The following NKAIN3 variants were observed in gnomAD, a reference collection of about 807,000 sequenced individuals.
NKAIN3 encodes sodium/potassium transporting ATPase interacting 3.
NKAIN3 carries 25 observed loss-of-function variants against 30.2 expected under a neutral mutation model. The observed-to-expected ratio is 0.83, with a 90% CI of 0.60 to 1.16. The LOEUF is 1.16. Ranked by LOEUF, NKAIN3 falls within the 50% of genes most tolerant of loss-of-function variation. The probability of loss-of-function intolerance (pLI) is 0.00; values close to 1 mark genes in which losing one functional copy is unlikely to be tolerated. For missense variants in NKAIN3, 225 were observed against 254.1 expected, an observed-to-expected ratio of 0.89 and a Z score of 0.78; for synonymous variants, 91 against 89.6, an observed-to-expected ratio of 1.02 and a Z score of -0.09.
At chr8:62,772,023 T>C (rs1817030326) in intron 4 of NKAIN3, among the ~76,000 whole-genome samples, 1 of 152,188 alleles carries the variant, frequency 6.6e-6, no homozygotes, top group Non-Finnish European at 1.5e-5. Context: ...TATCTAACTA[T>C]ATTTTTGTAC....
In NKAIN3 at chr8:62,966,996, G is replaced by GAGCC. The variant is rs2130910551; in HGVS notation, c.*1591_*1594dup. Among the ~76,000 whole-genome samples, 1 of 152,280 alleles carries GAGCC rather than the reference G, an allele frequency of 6.6e-6. No individual in the cohort carries two copies. The highest frequency in any genetic ancestry group is 2.1e-4 in the South Asian group (1 of 4,822). On this transcript the variant is annotated 3_prime_UTR_variant, in exon 7 of 7. Coordinates refer to ENST00000623646, the MANE Select transcript of NKAIN3 (RefSeq NM_001304533.3). ...CCTCCAAGCTCATCACAACCACAGTGAGCCATTTGGAGACCTAATTTACTC... is the reference window on the plus strand; with the variant it reads ...CCTCCAAGCTCATCACAACCACAGTGAGCCAGCCATTTGGAGACCTAATTTACTC...
At chr8:62,403,577 C>T (rs1803957861) in intron 1 of NKAIN3, among the ~76,000 whole-genome samples, 1 of 152,186 alleles carries the variant, frequency 6.6e-6, no homozygotes, top group African/African-American at 2.4e-5. Flanking sequence ...GGTGCAAGCC[C>T]CAAGCCTTGG....
intron 5 of NKAIN3, chr8:62,991,140 T>C (rs1381995259): frequency 6.6e-6 from 1 of 152,306 alleles, no homozygotes; most frequent in Non-Finnish European, 1.5e-5. Flanking sequence ...CCCTCTGTGG[T>C]TGAGCCTAGT....
intron 4 of NKAIN3, among the ~76,000 whole-genome samples, chr8:62,827,376 C>T (rs904404409): frequency 6.6e-6 from 1 of 152,148 alleles, no homozygotes; most frequent in African/African-American, 2.4e-5. Flanking sequence ...AAAAAAATAG[C>T]CTTACAGGTT....
chr8:62,794,549 G>C (rs937557049), intron 4 of NKAIN3, among the ~76,000 whole-genome samples: 1 of 152,114 alleles, frequency 6.6e-6, no homozygotes, highest in Non-Finnish European at 1.5e-5. Context: ...AGTGTTTCTT[G>C]AGGTGAGGGG....
intron 4 of NKAIN3, chr8:62,855,562 T>C (rs1052341265): frequency 6.4e-6 from 10 of 1,555,026 alleles, no homozygotes; most frequent in Non-Finnish European, 8.9e-6. Context: ...GGGAGTCCAA[T>C]CTTTTATTCA....
intron 1 of NKAIN3, among the ~76,000 whole-genome samples, chr8:62,499,644 G>A (rs146077754): frequency 2.6e-5 from 4 of 152,218 alleles, no homozygotes; most frequent in African/African-American, 9.6e-5. Context: ...ATTGTAAATA[G>A]GTGCTTTAAT....
chr8:62,252,083 T>C (rs1164068134), intron 1 of NKAIN3, among the ~76,000 whole-genome samples: 1 of 152,162 alleles, frequency 6.6e-6, no homozygotes. Flanking sequence ...CAGCATATCA[T>C]AGGATAGGGA....
chr8:62,701,086 A>T (rs1473958531), intron 3 of NKAIN3, among the ~76,000 whole-genome samples: 1 of 152,188 alleles, frequency 6.6e-6, no homozygotes, highest in Non-Finnish European at 1.5e-5. Context: ...ATCCAGCCAG[A>T]TTTACCTTTT....
intron 1 of NKAIN3, among the ~76,000 whole-genome samples, chr8:62,397,658 A>C (rs553705241): frequency 6.6e-6 from 1 of 152,250 alleles, no homozygotes; most frequent in South Asian, 2.1e-4. Flanking sequence ...GGTAAATTTT[A>C]CATAAGGCTA....
chr8:62,622,315 G>A (rs1295792552), intron 3 of NKAIN3, among the ~76,000 whole-genome samples: 1 of 152,014 alleles, frequency 6.6e-6, no homozygotes, highest in African/African-American at 2.4e-5. Flanking sequence ...GTGTGTAATT[G>A]TTAGGTCATT....
At chr8:62,465,585 A>G (rs142103759) in intron 1 of NKAIN3, among the ~76,000 whole-genome samples, 262 of 152,338 alleles carry the variant, frequency 1.7e-3, no homozygotes, top group African/African-American at 5.8e-3. Flanking sequence ...TCAGTAAACC[A>G]TCCAATGTCT....
At chr8:62,762,842 T>C (rs1816709379) in intron 4 of NKAIN3, among the ~76,000 whole-genome samples, 1 of 152,128 alleles carries the variant, frequency 6.6e-6, no homozygotes, top group Non-Finnish European at 1.5e-5. Context: ...GTAGCTTGTA[T>C]CTTTTTTAAA....
intron 1 of NKAIN3, among the ~76,000 whole-genome samples, chr8:62,510,569 A>G (rs993498398): frequency 2.0e-5 from 3 of 152,098 alleles, no homozygotes; most frequent in Non-Finnish European, 4.4e-5. Flanking sequence ...CCCTTATGAA[A>G]ATAGGGTTTG....
At chr8:62,841,884 A>G (rs765373044) in intron 4 of NKAIN3, among the ~76,000 whole-genome samples, 18 of 152,138 alleles carry the variant, frequency 1.2e-4, no homozygotes, top group Non-Finnish European at 2.1e-4. Flanking sequence ...GAAATTCCAT[A>G]CTGGTTTCCA....
intron 4 of NKAIN3, among the ~76,000 whole-genome samples, chr8:62,905,076 A>G (rs931546077): frequency 2.0e-5 from 3 of 152,342 alleles, no homozygotes; most frequent in South Asian, 2.1e-4. Flanking sequence ...CTGCCATTAC[A>G]GATATAAGAA....
At chr8:62,361,072 A>T (rs1032430733) in intron 1 of NKAIN3, among the ~76,000 whole-genome samples, 1 of 151,978 alleles carries the variant, frequency 6.6e-6, no homozygotes, top group Admixed American at 6.6e-5. Flanking sequence ...TGGAGCACCA[A>T]ACCCCCGCAT....
chr8:62,293,181 T>A (rs752723612), intron 1 of NKAIN3, among the ~76,000 whole-genome samples: 4 of 152,250 alleles, frequency 2.6e-5, no homozygotes, highest in Non-Finnish European at 5.9e-5. Context: ...TCGAATATCC[T>A]CCTTTTTCTC....
chr8:62,422,295 A>T (rs1471025557), intron 1 of NKAIN3, among the ~76,000 whole-genome samples: 1 of 152,130 alleles, frequency 6.6e-6, no homozygotes, highest in Non-Finnish European at 1.5e-5. Context: ...CTAGAAAAAC[A>T]ATGTGGTTTG....
Sources: allele counts gnomAD v4.1 joint callset (sites outside exome capture counted in the v4.1 genomes callset), GRCh38; gene constraint gnomAD v4.1.1; transcripts MANE v1.5; gene names NCBI Gene and HGNC (gene_info 2026-07-23, HGNC 2026-07-21).